ANKRD44: variants seen among roughly 807,000 people sequenced by gnomAD.
The protein encoded by ANKRD44 is serine/threonine-protein phosphatase 6 regulatory ankyrin repeat subunit B.
Under a neutral mutation model 116.0 loss-of-function variants are expected in ANKRD44, and 35 were observed. That is an observed-to-expected ratio of 0.30 (90% confidence interval 0.23 to 0.40). The LOEUF (loss-of-function observed/expected upper bound fraction) is 0.40. Ranked by LOEUF, ANKRD44 falls within the 10% of genes least tolerant of loss-of-function variation. The pLI is 1.00. For synonymous variants in ANKRD44, 435 were observed against 461.8 expected (o/e 0.94, Z 0.74); for missense variants, 1,014 against 1,242.6 (o/e 0.82, Z 2.77).
intron 3 of ANKRD44, among the ~76,000 whole-genome samples, chr2:197,146,424 T>C (rs2079503965): frequency 6.6e-6 from 1 of 152,130 alleles, no homozygotes; most frequent in Non-Finnish European, 1.5e-5. Context: ...CCAACTTAAA[T>C]ATATATAAAT....
rs796390265 is a variant in ANKRD44 at position 197,118,659 on chromosome 2, G to A, written c.906+2673C>T. ...AGAGAGAAAGAAAGAAAGAAAGAAA[G>A]AAAGAAAGAAAGAAAGAAAAACCTA... On this transcript the variant is annotated intron_variant, in intron 8 of 27. Transcript: ENST00000282272. Among the ~76,000 whole-genome samples the A allele has an allele frequency of 8.8e-4, 120 of 136,380 alleles. 1 individual carries two copies. The highest frequency in any genetic ancestry group is 1.6e-3 in the Non-Finnish European group (96 of 59,292). 89.5% of individuals were successfully genotyped at this position (136,380 alleles called of 152,430 possible).
At chr2:196,998,867 G>T in intron 24 of ANKRD44, 40 bp downstream of exon 24, 1 of 1,597,314 alleles carries the variant, frequency 6.3e-7, no homozygotes, top group South Asian at 1.1e-5. Context: ...TTTGGTTTTT[G>T]CATGGGCATA....
At chr2:197,000,336 A>T in intron 23 of ANKRD44, 83 bp downstream of exon 23, 1 of 1,043,602 alleles carries the variant, frequency 9.6e-7, no homozygotes, top group Admixed American at 2.0e-5. Context: ...TCAATTAAAA[A>T]CATAGATGTT....
chr2:197,034,538 G>A (rs1380688839), intron 16 of ANKRD44, among the ~76,000 whole-genome samples: 1 of 146,152 alleles, frequency 6.8e-6, no homozygotes, highest in Non-Finnish European at 1.5e-5. Flanking sequence ...TTGGTCCTCT[G>A]CCTAAAAAAA....
chr2:197,292,143 A>G (rs2083588335), intron 1 of ANKRD44, among the ~76,000 whole-genome samples: 1 of 152,238 alleles, frequency 6.6e-6, no homozygotes, highest in African/African-American at 2.4e-5. Context: ...ATATGTGTGC[A>G]TGTGTCTTTA....
At chr2:197,022,817 A>C (rs982150220) in intron 17 of ANKRD44, among the ~76,000 whole-genome samples, 1 of 152,170 alleles carries the variant, frequency 6.6e-6, no homozygotes, top group Non-Finnish European at 1.5e-5. Context: ...TGGGCAACAC[A>C]GTGAGACCCC....
chr2:197,139,207 A>T (rs959236529), intron 3 of ANKRD44, among the ~76,000 whole-genome samples: 1 of 152,230 alleles, frequency 6.6e-6, no homozygotes, highest in African/African-American at 2.4e-5. Flanking sequence ...ACTCTCACAC[A>T]TGTACATGAA....
intron 1 of ANKRD44, among the ~76,000 whole-genome samples, 188 bp downstream of exon 1, chr2:197,310,390 C>T (rs1345541570): frequency 9.5e-5 from 14 of 147,326 alleles, no homozygotes; most frequent in African/African-American, 3.2e-4. Context: ...CGGCCCAGGG[C>T]GGGGACGGCG....
intron 16 of ANKRD44, among the ~76,000 whole-genome samples, chr2:197,059,858 G>A (rs1486411052): frequency 1.3e-5 from 2 of 152,166 alleles, no homozygotes; most frequent in Admixed American, 1.3e-4. Flanking sequence ...TTGAAAACAA[G>A]GTGATATTCA....
intron 21 of ANKRD44, 111 bp downstream of exon 21, chr2:197,005,583 A>G: frequency 1.0e-6 from 1 of 988,568 alleles, no homozygotes; most frequent in Non-Finnish European, 1.5e-6. Context: ...GGATGCAGAA[A>G]GATTAGAAAC....
At chr2:197,083,251 A>G (rs1212129659) in intron 14 of ANKRD44, 118 bp downstream of exon 14, 31 of 1,322,530 alleles carry the variant, frequency 2.3e-5, no homozygotes, top group Non-Finnish European at 2.9e-5. Flanking sequence ...AGCAAATCTA[A>G]CTCTTTTGGG....
At chr2:197,190,621 C>T (rs2080799888) in intron 1 of ANKRD44, among the ~76,000 whole-genome samples, 1 of 151,954 alleles carries the variant, frequency 6.6e-6, no homozygotes, top group Non-Finnish European at 1.5e-5. Flanking sequence ...TTATTTTTCC[C>T]CAGGTAAACA....
chr2:197,249,226 T>C (rs2082264692), intron 1 of ANKRD44, among the ~76,000 whole-genome samples: 1 of 152,198 alleles, frequency 6.6e-6, no homozygotes, highest in South Asian at 2.1e-4. Flanking sequence ...CAAGCTATGA[T>C]TGTGCCACTG....
chr2:196,986,578 A>T, downstream of ANKRD44: 1 of 422,578 alleles, frequency 2.4e-6, no homozygotes, highest in Non-Finnish European at 3.2e-6. Flanking sequence ...TTCTAAATTT[A>T]AAGTTAATTT....
At chr2:197,175,818 T>C (rs1344948355) in intron 2 of ANKRD44, among the ~76,000 whole-genome samples, 1 of 152,198 alleles carries the variant, frequency 6.6e-6, no homozygotes, top group African/African-American at 2.4e-5. Flanking sequence ...ATGATACATA[T>C]TTCTGTACTC....
chr2:197,014,474 G>A (rs956221547), intron 17 of ANKRD44, among the ~76,000 whole-genome samples: 2 of 152,102 alleles, frequency 1.3e-5, no homozygotes, highest in Non-Finnish European at 2.9e-5. Flanking sequence ...GACCTTTTAT[G>A]AGGTCCTAAG....
intron 3 of ANKRD44, among the ~76,000 whole-genome samples, chr2:197,141,753 T>A (rs2079373181): frequency 6.6e-6 from 1 of 152,228 alleles, no homozygotes; most frequent in Non-Finnish European, 1.5e-5. Flanking sequence ...AAAATTATTA[T>A]AACAAAACCA....
chr2:197,165,604 C>G (rs2080085311), intron 2 of ANKRD44, among the ~76,000 whole-genome samples: 1 of 152,204 alleles, frequency 6.6e-6, no homozygotes, highest in South Asian at 2.1e-4. Flanking sequence ...TCAGAAAATG[C>G]TGTTCCATGT....
intron 1 of ANKRD44, among the ~76,000 whole-genome samples, chr2:197,213,062 C>T (rs543381078): frequency 6.6e-6 from 1 of 152,282 alleles, no homozygotes; most frequent in African/African-American, 2.4e-5. Context: ...GTGTTGGCCT[C>T]CACAAGGGAT....
Sources: gnomAD v4.1 joint callset for allele counts (sites outside exome capture counted in the v4.1 genomes callset) on GRCh38, gnomAD v4.1.1 for gene constraint, MANE v1.5 for transcripts, NCBI Gene and HGNC (gene_info 2026-07-23, HGNC 2026-07-21) for gene names.